ARL13B: variants seen among roughly 807,000 people sequenced by gnomAD.
ARL13B encodes the protein ADP-ribosylation factor-like protein 13B.
ARL13B carries 36 observed loss-of-function variants against 56.1 expected under a neutral mutation model. That is an observed-to-expected ratio of 0.64 (90% CI 0.49 to 0.85). ARL13B has a LOEUF of 0.85. Ranked by LOEUF, ARL13B falls within the 40% of genes least tolerant of loss-of-function variation. The pLI is 0.00. For missense variants in ARL13B, 519 were observed against 507.1 expected (o/e 1.02, Z -0.23); for synonymous variants, 178 against 171.1 (o/e 1.04, Z -0.32).
At chr3:93,983,705 C>T (rs536193778) in intron 1 of ARL13B, among the ~76,000 whole-genome samples, 11 of 151,854 alleles carry the variant, frequency 7.2e-5, no homozygotes, top group East Asian at 3.9e-4. Flanking sequence ...TTTTTCCTTG[C>T]GCATTTTTGT....
chr3:94,047,132 A>G lies in ARL13B; in HGVS notation c.1025-2274A>G, dbSNP rs183229789. On this transcript the variant is annotated intron_variant, in intron 7 of 9. Transcript: ENST00000394222. ...GTGTCAGCCACATGAGATGCGCCCT[A>G]TAATTGTTGCTTCCTTGACATTTTT... Among the ~76,000 whole-genome samples the G allele has an allele frequency of 3.2e-3, 482 of 152,312 alleles. 3 individuals are homozygous for G. The highest frequency in any genetic ancestry group is 0.011 in the African/African-American group (449 of 41,568).
intron 3 of ARL13B, among the ~76,000 whole-genome samples, chr3:94,011,297 A>T (rs1447861618): frequency 6.6e-6 from 1 of 152,136 alleles, no homozygotes; most frequent in Non-Finnish European, 1.5e-5. Flanking sequence ...AATGCTAAAC[A>T]TCGATAGATT....
chr3:94,015,561 T>G (rs1441141537), intron 3 of ARL13B, among the ~76,000 whole-genome samples: 1 of 152,196 alleles, frequency 6.6e-6, no homozygotes, highest in Non-Finnish European at 1.5e-5. Context: ...TCAAAAATAT[T>G]TGTCACATGA....
In ARL13B at chr3:94,043,053, A is replaced by G. The variant is rs776517739; in HGVS notation, c.837A>G (p.Lys279=). ...GKLEREKKNQ[K]MEKDSDGCHL... ...TTGAAAGAGAGAAAAAAAACCAAAA[A>G]ATGGAGAAAGACAGTGATGGCTGCC... Residue 279 remains lysine (K), a synonymous_variant, in exon 7 of 10, where the codon AAA becomes AAG. Coordinates refer to ENST00000394222, the MANE Select transcript of ARL13B (RefSeq NM_001174150.2). 3.1e-6 allele frequency: 5 copies of G among 1,611,974 alleles called. No individual in the cohort carries two copies. Among genetic ancestry groups the G allele is most frequent in the Non-Finnish European group, 4.2e-6 (5 of 1,179,540 alleles).
Position 94,054,780 on chromosome 3 carries a change from G to T in ARL13B, c.*1517G>T, listed in dbSNP as rs982207972. Reference sequence around the variant, plus strand: ...ATGGGACTTAGCAACCACACTGAGTGAGGTAAAAGCATTTGATTTCAGATC... The same window carrying T: ...ATGGGACTTAGCAACCACACTGAGTTAGGTAAAAGCATTTGATTTCAGATC... On this transcript the variant is annotated 3_prime_UTR_variant, in exon 10 of 10. Coordinates refer to ENST00000394222, the MANE Select transcript of ARL13B (RefSeq NM_001174150.2). 3.2e-5 allele frequency: 13 copies of T among 411,654 alleles called. No homozygotes were observed. Among genetic ancestry groups the T allele is most frequent in the African/African-American group, 2.5e-4 (12 of 48,284 alleles). 25.5% of individuals were successfully genotyped at this position (411,654 alleles called of 1,614,324 possible). A position where few individuals can be genotyped will look rare whatever the true frequency, so the allele number is the denominator to read the frequency against.
At chr3:93,980,817 C>A (rs1045921199) in intron 1 of ARL13B, among the ~76,000 whole-genome samples, 10 of 151,218 alleles carry the variant, frequency 6.6e-5, no homozygotes, top group Non-Finnish European at 4.4e-5. Flanking sequence ...AATGGAAATT[C>A]TTTTAAAAAG....
chr3:93,998,076 T>A (rs2075996171), intron 2 of ARL13B, among the ~76,000 whole-genome samples: 1 of 152,238 alleles, frequency 6.6e-6, no homozygotes, highest in African/African-American at 2.4e-5. Flanking sequence ...TAATATAATT[T>A]TCATGTGTTA....
At chr3:94,003,053 A>G (rs570455811) in intron 2 of ARL13B, among the ~76,000 whole-genome samples, 1 of 152,206 alleles carries the variant, frequency 6.6e-6, no homozygotes, top group Non-Finnish European at 1.5e-5. Flanking sequence ...TTTCGTATAT[A>G]GAAATCCAAA....
Position 94,050,166 on chromosome 3 carries a change from GA to G in ARL13B, c.1142-637del, listed in dbSNP as rs77813443. Among the ~76,000 whole-genome samples, 856 of 90,360 alleles carry G rather than the reference GA, an allele frequency of 9.5e-3. 3 individuals are homozygous for G. The highest frequency in any genetic ancestry group is 0.015 in the East Asian group (47 of 3,152). The allele number at this position is 90,360 out of a possible 152,430, so 59.3% of individuals were successfully genotyped here. A position where few individuals can be genotyped will look rare whatever the true frequency, so the allele number is the denominator to read the frequency against. Reference sequence around the variant, plus strand: ...GTGACAGGGTGAGACTCCATCTCGGGAAAAAAAAAAAAAAAAAAAAATTGGA... The same window carrying G: ...GTGACAGGGTGAGACTCCATCTCGGGAAAAAAAAAAAAAAAAAAAATTGGA... On this transcript the variant is annotated intron_variant, in intron 8 of 9. Transcript: ENST00000394222.
At chr3:94,015,241 T>C (rs1302854322) in intron 3 of ARL13B, 3 of 1,564,722 alleles carry the variant, frequency 1.9e-6, no homozygotes, top group East Asian at 4.5e-5. Flanking sequence ...CTTTGTTCTC[T>C]GCTTTAGTTC....
chr3:94,004,520 G>A (rs1472488927), intron 3 of ARL13B, among the ~76,000 whole-genome samples: 2 of 151,994 alleles, frequency 1.3e-5, no homozygotes, highest in African/African-American at 4.8e-5. Flanking sequence ...TAACCGTGAG[G>A]CATAGCAAAC....
intron 5 of ARL13B, among the ~76,000 whole-genome samples, chr3:94,038,515 CTTTTTT>C (rs761909057): frequency 1.8e-5 from 1 of 54,468 alleles, no homozygotes; most frequent in Admixed American, 2.0e-4. Flanking sequence ...TCTGGCTGCT[CTTTTTT>C]TTTTTTTTTT....
In ARL13B at chr3:94,014,872, A is replaced by G. The variant is rs1220956026; in HGVS notation, c.380+10964A>G. 5.0e-6 allele frequency: 8 copies of G among 1,614,050 alleles called. No individual in the cohort carries two copies. The East Asian group carries it at 1.8e-4, about 36-fold the overall frequency. ...GAACATTGCAGCATGCTGAGATTTAAGTATCCTTGTGACCACTGAAGATGG... is the reference window on the plus strand; with the variant it reads ...GAACATTGCAGCATGCTGAGATTTAGGTATCCTTGTGACCACTGAAGATGG... On this transcript the variant is annotated intron_variant, in intron 3 of 9. Transcript: ENST00000394222.
chr3:94,053,370 C>A lies in ARL13B; in HGVS notation c.*107C>A. 1.0e-6 allele frequency: 1 copy of A among 999,348 alleles called. No individual in the cohort carries two copies. Among genetic ancestry groups the A allele is most frequent in the Non-Finnish European group, 1.6e-6 (1 of 641,722 alleles). 61.9% of individuals were successfully genotyped at this position (999,348 alleles called of 1,614,324 possible). A position where few individuals can be genotyped will look rare whatever the true frequency, so the allele number is the denominator to read the frequency against. ...AAATTGATGACTGGGGCAAGATAAC[C>A]ATAATAATTTTAGTGAGAAGATTAA... On this transcript the variant is annotated 3_prime_UTR_variant, in exon 10 of 10. Coordinates refer to ENST00000394222, the MANE Select transcript of ARL13B (RefSeq NM_001174150.2).
At chr3:94,008,783 G>A (rs2076174229) in intron 3 of ARL13B, among the ~76,000 whole-genome samples, 1 of 151,984 alleles carries the variant, frequency 6.6e-6, no homozygotes, top group South Asian at 2.1e-4. Context: ...TTTTCTTTTA[G>A]GGTAACAATT....
In ARL13B at chr3:94,054,125, C is replaced by G. The variant is rs1372375010; in HGVS notation, c.*862C>G. 1.1e-5 allele frequency: 5 copies of G among 452,978 alleles called. No individual in the cohort carries two copies. The allele number at this position is 452,978 out of a possible 1,614,324, so 28.1% of individuals were successfully genotyped here. ...ACACTTTCAGAGATCAAGGTGCTCC[C>G]TATACTCCCTTGTTCCATCAGAAGC... On this transcript the variant is annotated 3_prime_UTR_variant, in exon 10 of 10. Transcript: ENST00000394222.
intron 3 of ARL13B, among the ~76,000 whole-genome samples, chr3:94,024,351 C>T (rs995060508): frequency 7.9e-5 from 12 of 152,012 alleles, no homozygotes; most frequent in African/African-American, 2.2e-4. Flanking sequence ...AGCTCAGAGG[C>T]GAGAGAAAGA....
chr3:93,986,283 C>T (rs1213092599), intron 1 of ARL13B, among the ~76,000 whole-genome samples: 1 of 152,018 alleles, frequency 6.6e-6, no homozygotes, highest in Non-Finnish European at 1.5e-5. Flanking sequence ...GGCTATAAAC[C>T]CAAGCTTGGC....
chr3:94,049,576 GAAAAAA>G (rs879141969), intron 8 of ARL13B, 54 bp downstream of exon 8: 2 of 800,330 alleles, frequency 2.5e-6, no homozygotes, highest in South Asian at 2.2e-5. Context: ...AAACAACAGA[GAAAAAA>G]AAAAAGAAAA....
Sources: allele counts gnomAD v4.1 joint callset (sites outside exome capture counted in the v4.1 genomes callset), GRCh38; gene constraint gnomAD v4.1.1; transcripts MANE v1.5; gene names NCBI Gene and HGNC (gene_info 2026-07-23, HGNC 2026-07-21).